Variants in ATP9B observed in about 807,000 individuals in gnomAD.
ATP9B encodes ATPase phospholipid transporting 9B.
Under a neutral mutation model 146.1 loss-of-function variants are expected in ATP9B, and 110 were observed. The observed-to-expected ratio is 0.75, with a 90% CI of 0.65 to 0.88. ATP9B has a LOEUF of 0.88. Among genes scored for constraint, ATP9B ranks in the 40% least tolerant of loss-of-function variants. The pLI is 0.00. For missense variants in ATP9B, 1,499 were observed against 1,496.4 expected (o/e 1.00, Z -0.03); for synonymous variants, 604 against 569.7 (o/e 1.06, Z -0.86).
chr18:79,366,211 G>T (rs1213217049), intron 26 of ATP9B, among the ~76,000 whole-genome samples: 1 of 152,224 alleles, frequency 6.6e-6, no homozygotes, highest in East Asian at 1.9e-4. Flanking sequence ...ATCCCGAGGG[G>T]GTGTGGGTGT....
At chr18:79,237,127 G>A (rs1159643237) in intron 11 of ATP9B, among the ~76,000 whole-genome samples, 2 of 49,366 alleles carry the variant, frequency 4.1e-5, no homozygotes, top group African/African-American at 9.2e-5. Context: ...CTGTGTACAC[G>A]GTCCGTGCAC....
chr18:79,304,979 TG>T (rs2096612655), intron 14 of ATP9B, among the ~76,000 whole-genome samples: 1 of 152,190 alleles, frequency 6.6e-6, no homozygotes, highest in African/African-American at 2.4e-5. Context: ...TAGCTCACCC[TG>T]GGGGGTGTGA....
At chr18:79,249,871 G>A (rs2096005930) in intron 11 of ATP9B, among the ~76,000 whole-genome samples, 1 of 152,170 alleles carries the variant, frequency 6.6e-6, no homozygotes, top group Non-Finnish European at 1.5e-5. Context: ...CAACCTACAA[G>A]CTTTACACTA....
chr18:79,107,194 T>C (rs1372319710), intron 2 of ATP9B, among the ~76,000 whole-genome samples: 1 of 152,174 alleles, frequency 6.6e-6, no homozygotes, highest in East Asian at 1.9e-4. Flanking sequence ...CAGCTTGCAA[T>C]GTGCTCTGTT....
At chr18:79,295,261 C>T (rs549301201) in intron 13 of ATP9B, among the ~76,000 whole-genome samples, 2 of 152,312 alleles carry the variant, frequency 1.3e-5, no homozygotes, top group South Asian at 4.1e-4. Flanking sequence ...TTCAAATCAA[C>T]TGCCCTACTA....
chr18:79,114,370 C>T (rs947647650), intron 4 of ATP9B, among the ~76,000 whole-genome samples: 10 of 152,148 alleles, frequency 6.6e-5, no homozygotes, highest in Non-Finnish European at 1.0e-4. Flanking sequence ...GTGCAGTCCT[C>T]GGGGTTCCAC....
rs558132057 is a variant in ATP9B at position 79,220,485 on chromosome 18, C to T, written c.1107+6447C>T. 2.8e-4 allele frequency among the ~76,000 whole-genome samples: 42 copies of T among 152,182 alleles called. 1 individual carries two copies. In the South Asian group the frequency reaches 8.5e-3, roughly 31 times the overall value. On this transcript the variant is annotated intron_variant, in intron 11 of 29. Coordinates refer to ENST00000426216, the MANE Select transcript of ATP9B (RefSeq NM_198531.5). ...GCGTGGTGGCATGTGCCTGTAGTAC[C>T]AGCTACTCAGGAGGCTGAGGTGGGT...
intron 8 of ATP9B, among the ~76,000 whole-genome samples, chr18:79,178,667 A>G (rs557060582): frequency 1.1e-4 from 16 of 152,084 alleles, no homozygotes; most frequent in Non-Finnish European, 1.5e-4. Flanking sequence ...TGGTATGTGG[A>G]CTGATTTCAT....
chr18:79,320,802 G>A (rs1001597655), intron 15 of ATP9B, among the ~76,000 whole-genome samples: 3 of 99,864 alleles, frequency 3.0e-5, no homozygotes, highest in African/African-American at 8.3e-5. Flanking sequence ...ACTCCGGGAT[G>A]CTGTGGGTTT....
At position 79,277,201 on chromosome 18, in the gene ATP9B, T is replaced by C. The variant is rs776391321; in HGVS notation, c.1411+5T>C. 6.2e-6 allele frequency: 10 copies of C among 1,614,068 alleles called. No individual in the cohort carries two copies. Among genetic ancestry groups the C allele is most frequent in the African/African-American group, 1.3e-5 (1 of 74,942 alleles). On this transcript the variant is annotated splice_donor_5th_base_variant and intron_variant, in intron 13 of 29. Coordinates refer to ENST00000426216, the MANE Select transcript of ATP9B (RefSeq NM_198531.5). ...ATTTATTGACAGACAAAACAGGTAC[T>C]GTTCGTGGTCTGTGTTCACCTTTGA...
chr18:79,137,073 GCCAAACCATATCATA>G (rs2094456571), intron 5 of ATP9B, among the ~76,000 whole-genome samples: 2 of 152,182 alleles, frequency 1.3e-5, no homozygotes, highest in African/African-American at 4.8e-5. Flanking sequence ...TGGAGACACA[GCCAAACCATATCATA>G]CTTTAATTTC....
chr18:79,107,876 C>T (rs2075759922), intron 2 of ATP9B, among the ~76,000 whole-genome samples: 1 of 152,158 alleles, frequency 6.6e-6, no homozygotes, highest in African/African-American at 2.4e-5. Flanking sequence ...TCAACTCTGC[C>T]ATTGCCTAGT....
intron 15 of ATP9B, among the ~76,000 whole-genome samples, chr18:79,311,958 A>G (rs1019281439): frequency 6.6e-6 from 1 of 152,196 alleles, no homozygotes; most frequent in African/African-American, 2.4e-5. Context: ...GCACGCAGCC[A>G]TGCAGCCTTC....
intron 11 of ATP9B, among the ~76,000 whole-genome samples, chr18:79,227,809 G>C (rs1600663972): frequency 6.6e-6 from 1 of 152,214 alleles, no homozygotes; most frequent in Non-Finnish European, 1.5e-5. Flanking sequence ...GTGGGCTCCA[G>C]CCCAGCACTT....
chr18:79,297,459 C>T (rs769840040), intron 13 of ATP9B, among the ~76,000 whole-genome samples: 14 of 152,210 alleles, frequency 9.2e-5, no homozygotes, highest in South Asian at 2.1e-4. Flanking sequence ...CCGTTCTCAT[C>T]GCGTTATGAG....
chr18:79,292,586 G>T (rs1258298761), intron 13 of ATP9B, among the ~76,000 whole-genome samples: 1 of 151,860 alleles, frequency 6.6e-6, no homozygotes, highest in Non-Finnish European at 1.5e-5. Context: ...AAATTCACAT[G>T]GAGATACTAG....
At chr18:79,157,409 A>AAAAAAAAAAAC (rs1568297148) in intron 7 of ATP9B, among the ~76,000 whole-genome samples, 5 of 147,486 alleles carry the variant, frequency 3.4e-5, no homozygotes, top group Admixed American at 2.0e-4. Context: ...AAAAAAAAAA[A>AAAAAAAAAAAC]AAAAAAAAAA....
At chr18:79,278,594 T>C (rs2096340959) in intron 13 of ATP9B, among the ~76,000 whole-genome samples, 1 of 152,212 alleles carries the variant, frequency 6.6e-6, no homozygotes, top group Non-Finnish European at 1.5e-5. Context: ...AATTCAGTAT[T>C]CTTTGTGTCA....
intron 19 of ATP9B, among the ~76,000 whole-genome samples, chr18:79,338,879 G>A (rs2096841506): frequency 6.6e-6 from 1 of 152,176 alleles, no homozygotes; most frequent in African/African-American, 2.4e-5. Context: ...TAGACTAGAG[G>A]GACAGAACTG....
Sources: allele counts gnomAD v4.1 joint callset (sites outside exome capture counted in the v4.1 genomes callset), GRCh38; gene constraint gnomAD v4.1.1; transcripts MANE v1.5; gene names NCBI Gene and HGNC (gene_info 2026-07-23, HGNC 2026-07-21).